Variants in DAPK1 observed in about 807,000 individuals in gnomAD.
DAPK1 encodes the protein death-associated protein kinase 1.
DAPK1 carries 56 observed loss-of-function variants against 144.9 expected under a neutral mutation model. The ratio of observed to expected loss-of-function variants is 0.39; its 90% CI spans 0.31 to 0.48. The LOEUF is 0.48. Ranked by LOEUF, DAPK1 falls within the 20% of genes least tolerant of loss-of-function variation. DAPK1 has a pLI of 0.95. For synonymous variants in DAPK1, 690 were observed against 749.0 expected, an observed-to-expected ratio of 0.92 and a Z score of 1.29; for missense variants, 1,454 against 1,875.4, an observed-to-expected ratio of 0.78 and a Z score of 4.15.
chr9:87,638,343 C>T (rs1247310766), intron 4 of DAPK1, among the ~76,000 whole-genome samples: 1 of 133,532 alleles, frequency 7.5e-6, no homozygotes, highest in Non-Finnish European at 1.6e-5. Flanking sequence ...TCTTAGGAGC[C>T]AGGTTTTTTA....
intron 21 of DAPK1, among the ~76,000 whole-genome samples, chr9:87,692,006 A>C (rs1034741441): frequency 1.3e-5 from 2 of 152,174 alleles, no homozygotes; most frequent in African/African-American, 4.8e-5. Context: ...CACTTGGTCT[A>C]ACAGGCAGTT....
chr9:87,652,558 C>T (rs1830489311), intron 17 of DAPK1, among the ~76,000 whole-genome samples: 1 of 143,120 alleles, frequency 7.0e-6, no homozygotes, highest in African/African-American at 2.6e-5. Context: ...GATTCTGTGT[C>T]CTCTCACCTG....
intron 19 of DAPK1, among the ~76,000 whole-genome samples, chr9:87,677,190 A>G (rs998915609): frequency 1.3e-5 from 2 of 152,212 alleles, no homozygotes; most frequent in African/African-American, 4.8e-5. Context: ...GTGCTGGCCC[A>G]TGAAACAGGC....
intron 3 of DAPK1, among the ~76,000 whole-genome samples, chr9:87,616,322 C>T (rs2119015364): frequency 6.6e-6 from 1 of 152,360 alleles, no homozygotes; most frequent in East Asian, 1.9e-4. Flanking sequence ...ACGTCCTACT[C>T]TGGCACCCAC....
intron 2 of DAPK1, among the ~76,000 whole-genome samples, chr9:87,513,057 C>A (rs1216466960): frequency 6.6e-6 from 1 of 152,194 alleles, no homozygotes; most frequent in Non-Finnish European, 1.5e-5. Flanking sequence ...AAGGAAAATA[C>A]TTGGAAATTG....
At chr9:87,521,854 C>T (rs1379152576) in intron 2 of DAPK1, among the ~76,000 whole-genome samples, 1 of 152,180 alleles carries the variant, frequency 6.6e-6, no homozygotes, top group Non-Finnish European at 1.5e-5. Context: ...ATTGGGAAGG[C>T]AGAGCCTTCA....
intron 2 of DAPK1, among the ~76,000 whole-genome samples, chr9:87,521,005 A>G (rs1360072509): frequency 2.6e-5 from 4 of 152,224 alleles, no homozygotes; most frequent in Non-Finnish European, 4.4e-5. Flanking sequence ...TTGCATTCCA[A>G]TTCACTAGTT....
At chr9:87,697,639 A>C in intron 22 of DAPK1, among the ~76,000 whole-genome samples, 1 of 152,198 alleles carries the variant, frequency 6.6e-6, no homozygotes, top group Admixed American at 6.5e-5. Context: ...GCAGTTCTTC[A>C]TCCTGTAATT....
intron 2 of DAPK1, among the ~76,000 whole-genome samples, chr9:87,553,122 A>T (rs1416943245): frequency 1.3e-5 from 2 of 152,148 alleles, no homozygotes; most frequent in African/African-American, 4.8e-5. Context: ...TTGAGAAGAC[A>T]CATTGTTCTG....
At chr9:87,579,187 A>G (rs1212166090) in intron 2 of DAPK1, among the ~76,000 whole-genome samples, 1 of 152,178 alleles carries the variant, frequency 6.6e-6, no homozygotes, top group African/African-American at 2.4e-5. Flanking sequence ...CACTCACTCA[A>G]GTGCACTTCT....
At chr9:87,498,325 G>C (rs1824259916) in intron 1 of DAPK1, among the ~76,000 whole-genome samples, 1 of 152,212 alleles carries the variant, frequency 6.6e-6, no homozygotes, top group Non-Finnish European at 1.5e-5. Flanking sequence ...GCCCGACCAG[G>C]CGCTTTGTGT....
intron 2 of DAPK1, among the ~76,000 whole-genome samples, chr9:87,516,541 C>T (rs1825064418): frequency 6.6e-6 from 1 of 152,070 alleles, no homozygotes; most frequent in South Asian, 2.1e-4. Context: ...TGCCTAATAG[C>T]TGTGATTTTT....
In DAPK1 at chr9:87,662,996, C is replaced by T. The variant is rs563183819; in HGVS notation, c.1923+4869C>T. Among the ~76,000 whole-genome samples, 214 of 152,138 alleles carry T rather than the reference C, an allele frequency of 1.4e-3. 1 individual carries two copies. The highest frequency in any genetic ancestry group is 3.1e-3 in the Admixed American group (47 of 15,294). The stretch of plus-strand genomic sequence containing the variant: ...CTGGTCTTCCTGGAAGGCCCAGCAC[C>T]TACGCCTTCCTCCTACCCTCCAGAA... On this transcript the variant is annotated intron_variant, in intron 18 of 25. Coordinates refer to ENST00000408954, the MANE Select transcript of DAPK1 (RefSeq NM_004938.4).
intron 2 of DAPK1, among the ~76,000 whole-genome samples, chr9:87,535,825 A>G (rs1005300639): frequency 6.6e-6 from 1 of 152,222 alleles, no homozygotes; most frequent in Non-Finnish European, 1.5e-5. Flanking sequence ...GTTTGTATGT[A>G]AGAGGGGAAA....
At chr9:87,526,484 C>A (rs1477845514) in intron 2 of DAPK1, among the ~76,000 whole-genome samples, 11 of 152,140 alleles carry the variant, frequency 7.2e-5, no homozygotes, top group Admixed American at 2.6e-4. Context: ...GTTAATAGTT[C>A]ATCTCTTTTT....
At chr9:87,572,701 TC>T (rs1238031656) in intron 2 of DAPK1, among the ~76,000 whole-genome samples, 1 of 152,090 alleles carries the variant, frequency 6.6e-6, no homozygotes, top group East Asian at 1.9e-4. Flanking sequence ...CCCTGAGGCC[TC>T]CCCAGAAGCT....
In DAPK1 at chr9:87,638,034, G is replaced by A; in HGVS notation, c.376G>A (p.Gly126Ser). 1 of 1,613,914 alleles carries A rather than the reference G, an allele frequency of 6.2e-7. No individual in the cohort carries two copies. Among genetic ancestry groups the A allele is most frequent in the Non-Finnish European group, 8.5e-7 (1 of 1,179,824 alleles). ...ATEFLKQILN[G>S]VYYLHSLQIA... ...TGAATTTCTCAAACAAATTCTTAAT[G>A]GTGTTTACTACCTGCACTCCCTTCA... Residue 126 changes from glycine (G) to serine (S), a missense_variant, in exon 4 of 26, where the codon GGT becomes AGT. By Grantham distance (56) the Gly-to-Ser change is moderately conservative. Coordinates refer to ENST00000408954, the MANE Select transcript of DAPK1 (RefSeq NM_004938.4).
intron 3 of DAPK1, among the ~76,000 whole-genome samples, chr9:87,605,986 G>A (rs576534815): frequency 1.1e-4 from 16 of 152,290 alleles, no homozygotes; most frequent in Admixed American, 7.2e-4. Flanking sequence ...GAGGAGGGGC[G>A]GATGGAACCA....
chr9:87,571,471 A>C lies in DAPK1; in HGVS notation c.63-33483A>C, dbSNP rs1002928473. On this transcript the variant is annotated intron_variant, in intron 2 of 25. Coordinates refer to ENST00000408954, the MANE Select transcript of DAPK1 (RefSeq NM_004938.4). The stretch of plus-strand genomic sequence containing the variant: ...CACACACACACACACACACACACAC[A>C]CACCAACACACACACACACACACCC... 2.9e-3 allele frequency among the ~76,000 whole-genome samples: 144 copies of C among 49,108 alleles called. 8 individuals carry two copies. The highest frequency in any genetic ancestry group is 0.012 in the African/African-American group (120 of 10,286). The allele number at this position is 49,108 out of a possible 152,430, so 32.2% of individuals were successfully genotyped here. A position where few individuals can be genotyped will look rare whatever the true frequency, so the allele number is the denominator to read the frequency against.
Sources: gnomAD v4.1 joint callset for allele counts (sites outside exome capture counted in the v4.1 genomes callset) on GRCh38, gnomAD v4.1.1 for gene constraint, MANE v1.5 for transcripts, NCBI Gene and HGNC (gene_info 2026-07-23, HGNC 2026-07-21) for gene names.